Variants in ELN observed in about 807,000 individuals in gnomAD.
The protein encoded by ELN is tropoelastin.
ELN carries 65 observed loss-of-function variants against 105.8 expected under a neutral mutation model. That is an observed-to-expected ratio of 0.61 (90% CI 0.50 to 0.75). The LOEUF (loss-of-function observed/expected upper bound fraction) is 0.75. Ranked by LOEUF, ELN falls within the 30% of genes least tolerant of loss-of-function variation. The pLI, the probability that ELN is intolerant of heterozygous loss-of-function variation, is 0.00. For synonymous variants in ELN, 368 were observed against 389.2 expected (o/e 0.95, Z 0.64); for missense variants, 882 against 969.4 (o/e 0.91, Z 1.20).
At chr7:74,064,222 T>G (rs1224904322) in intron 29 of ELN, among the ~76,000 whole-genome samples, 1 of 151,506 alleles carries the variant, frequency 6.6e-6, no homozygotes, top group East Asian at 1.9e-4. Flanking sequence ...AAGACCATCC[T>G]GGCTAACACA....
At chr7:74,054,956 GC>G (rs1794920885) in intron 19 of ELN, among the ~76,000 whole-genome samples, 187 bp downstream of exon 19, 2 of 152,398 alleles carry the variant, frequency 1.3e-5, no homozygotes, top group South Asian at 4.1e-4. Context: ...GGGCTGAGTG[GC>G]GGGAAAGTCC....
intron 22 of ELN, chr7:74,059,618 T>C (rs935525923): frequency 2.5e-5 from 14 of 562,292 alleles, no homozygotes; most frequent in Non-Finnish European, 4.4e-5. Flanking sequence ...CGGGAGGTGG[T>C]GGTTGCAGTG....
chr7:74,049,793 C>T (rs1480450337), intron 15 of ELN, among the ~76,000 whole-genome samples: 6 of 151,492 alleles, frequency 4.0e-5, no homozygotes, highest in Non-Finnish European at 8.8e-5. Context: ...CTCATCCATC[C>T]ATTCCTCCAT....
intron 17 of ELN, 21 bp downstream of exon 17, chr7:74,052,004 C>G (rs782506488): frequency 1.2e-6 from 2 of 1,612,300 alleles, no homozygotes; most frequent in Non-Finnish European, 1.7e-6. Flanking sequence ...CCCGGGGTGG[C>G]AAGTCCACGG....
intron 9 of ELN, among the ~76,000 whole-genome samples, chr7:74,044,129 T>A (rs1791906768): frequency 6.6e-6 from 1 of 151,982 alleles, no homozygotes; most frequent in South Asian, 2.1e-4. Context: ...TAGTCCCAGC[T>A]ACTCGGGAGG....
intron 9 of ELN, among the ~76,000 whole-genome samples, chr7:74,044,633 C>T (rs930370499): frequency 6.6e-6 from 1 of 152,234 alleles, no homozygotes; most frequent in African/African-American, 2.4e-5. Context: ...GGCCTGACCA[C>T]CCCACCCAAC....
intron 31 of ELN, among the ~76,000 whole-genome samples, chr7:74,066,397 T>G (rs1797961855): frequency 6.6e-6 from 1 of 151,690 alleles, no homozygotes. Context: ...TGAAACCCTG[T>G]CTCTACTAAA....
chr7:74,030,601 G>A (rs962920167), intron 1 of ELN, among the ~76,000 whole-genome samples: 9 of 150,808 alleles, frequency 6.0e-5, no homozygotes, highest in Non-Finnish European at 1.3e-4. Context: ...GTCTCGCTGT[G>A]TTGTCCAGGC....
chr7:74,067,933 C>CAA (rs782107951), intron 32 of ELN, among the ~76,000 whole-genome samples: 1,745 of 19,810 alleles, frequency 0.088, 313 homozygotes, highest in African/African-American at 0.21. Context: ...GATTGCGTCT[C>CAA]AAAAAAAAAA....
chr7:74,030,264 T>G (rs1788364822), intron 1 of ELN, among the ~76,000 whole-genome samples: 1 of 152,284 alleles, frequency 6.6e-6, no homozygotes, highest in Admixed American at 6.5e-5. Context: ...CACCTGGCTG[T>G]CCTGGGGGAG....
intron 1 of ELN, 91 bp downstream of exon 1, chr7:74,028,360 C>T (rs1439098840): frequency 2.8e-6 from 4 of 1,436,826 alleles, no homozygotes; most frequent in Non-Finnish European, 3.8e-6. Context: ...AGACCTTCGT[C>T]CCTGGGAACT....
chr7:74,036,623 C>G (rs1554665939), intron 3 of ELN, 39 bp downstream of exon 3: 1 of 1,613,854 alleles, frequency 6.2e-7, no homozygotes, highest in African/African-American at 1.3e-5. Flanking sequence ...ACTGAAAGGG[C>G]CTGGGTTTCA....
chr7:74,063,102 G>C lies in ELN; in HGVS notation c.1787-51G>C. 6.4e-7 allele frequency: 1 copy of C among 1,564,106 alleles called. No homozygotes were observed. Among genetic ancestry groups the C allele is most frequent in the Non-Finnish European group, 8.7e-7 (1 of 1,153,188 alleles). On this transcript the variant is annotated intron_variant, in intron 26 of 32. Transcript: ENST00000252034. This position sits in a 1 kb window ranked among gnomAD's most constrained non-coding sequence, Gnocchi z 4.1. ...GCTTGCCTTGTGTCCCTGGGGCAGG[G>C]AGACCCATCGTTCAGAAATGGAACA...
chr7:74,057,992 G>T (rs1164208459), intron 22 of ELN, among the ~76,000 whole-genome samples: 5 of 151,904 alleles, frequency 3.3e-5, no homozygotes, highest in African/African-American at 9.7e-5. Context: ...TCCCCTTGAG[G>T]GACTCCAGTT....
intron 32 of ELN, among the ~76,000 whole-genome samples, chr7:74,067,062 GA>G (rs1347920247): frequency 6.6e-6 from 1 of 152,240 alleles, no homozygotes; most frequent in Non-Finnish European, 1.5e-5. Flanking sequence ...GAGGAGGGCA[GA>G]TCACCTGAGG....
At chr7:74,050,090 T>C (rs1407576985) in intron 15 of ELN, among the ~76,000 whole-genome samples, 85 of 112,496 alleles carry the variant, frequency 7.6e-4, no homozygotes, top group South Asian at 1.9e-3. Flanking sequence ...TCCATCCATC[T>C]ATTCCTCCAT....
chr7:74,029,680 G>C (rs1584447399), intron 1 of ELN, among the ~76,000 whole-genome samples: 1 of 152,182 alleles, frequency 6.6e-6, no homozygotes, highest in Non-Finnish European at 1.5e-5. Context: ...GCCCCAGCAG[G>C]GGCAACGAGC....
chr7:74,058,362 C>T (rs1795849523), intron 22 of ELN, among the ~76,000 whole-genome samples: 1 of 151,066 alleles, frequency 6.6e-6, no homozygotes, highest in Non-Finnish European at 1.5e-5. Flanking sequence ...TTCTCCTTCT[C>T]CTTTTTTCTT....
At chr7:74,065,250 A>G (rs1554688229) in intron 29 of ELN, among the ~76,000 whole-genome samples, 1 of 151,922 alleles carries the variant, frequency 6.6e-6, no homozygotes, top group Admixed American at 6.6e-5. Context: ...AGCTGGATAG[A>G]TGAAGGAGAG....
Sources: gnomAD v4.1 joint callset for allele counts (sites outside exome capture counted in the v4.1 genomes callset) on GRCh38, gnomAD v4.1.1 for gene constraint, Gnocchi (gnomAD v3.1) non-coding constraint, MANE v1.5 for transcripts, NCBI Gene and HGNC (gene_info 2026-07-23, HGNC 2026-07-21) for gene names.